Variants in PKIB observed in about 807,000 individuals in gnomAD.
The protein encoded by PKIB is cAMP-dependent protein kinase inhibitor beta, also known as PKI-beta.
PKIB carries 2 observed loss-of-function variants against 4.5 expected under a neutral mutation model. The ratio of observed to expected loss-of-function variants is 0.44; its 90% CI spans 0.18 to 1.39. PKIB has a LOEUF of 1.39. Ranked by LOEUF, PKIB falls within the 40% of genes most tolerant of loss-of-function variation. The pLI, the probability that PKIB is intolerant of heterozygous loss-of-function variation, is 0.27. For missense variants in PKIB, 94 were observed against 92.6 expected, an observed-to-expected ratio of 1.02 and a Z score of -0.06; for synonymous variants, 38 against 36.0, an observed-to-expected ratio of 1.06 and a Z score of -0.20.
At chr6:122,568,935 C>G (rs920015068) in intron 2 of PKIB, among the ~76,000 whole-genome samples, 20 of 152,060 alleles carry the variant, frequency 1.3e-4, no homozygotes, top group Admixed American at 7.2e-4. Flanking sequence ...GTTAGTGGAG[C>G]ACTGTGGGAG....
intron 4 of PKIB, among the ~76,000 whole-genome samples, chr6:122,723,909 C>T (rs1392631622): frequency 6.6e-6 from 1 of 152,086 alleles, no homozygotes; most frequent in Non-Finnish European, 1.5e-5. Context: ...TGTTTATTGT[C>T]CATATTTCTC....
chr6:122,626,739 T>C (rs919579375), intron 1 of PKIB, among the ~76,000 whole-genome samples: 1 of 152,222 alleles, frequency 6.6e-6, no homozygotes, highest in Non-Finnish European at 1.5e-5. Flanking sequence ...TATCACCACT[T>C]GTACAAGTTC....
At chr6:122,635,389 G>A (rs933626178) in intron 2 of PKIB, among the ~76,000 whole-genome samples, 1 of 151,906 alleles carries the variant, frequency 6.6e-6, no homozygotes, top group Non-Finnish European at 1.5e-5. Flanking sequence ...AAAACACTAC[G>A]TTTAAGTGAC....
chr6:122,571,922 T>A (rs1773377010), intron 2 of PKIB, among the ~76,000 whole-genome samples: 1 of 152,170 alleles, frequency 6.6e-6, no homozygotes. Flanking sequence ...CCTAAATGCT[T>A]CACTTGAAAA....
intron 2 of PKIB, among the ~76,000 whole-genome samples, chr6:122,494,298 G>A (rs551696465): frequency 2.6e-5 from 4 of 151,964 alleles, no homozygotes; most frequent in South Asian, 2.1e-4. Flanking sequence ...GACCTTAATT[G>A]AGCCATCTAA....
intron 2 of PKIB, among the ~76,000 whole-genome samples, chr6:122,528,711 G>A (rs1416156118): frequency 6.6e-6 from 1 of 152,070 alleles, no homozygotes; most frequent in Non-Finnish European, 1.5e-5. Context: ...GGGCAACATA[G>A]CAAGACCTCG....
chr6:122,506,382 AT>A (rs1350013350), intron 2 of PKIB, among the ~76,000 whole-genome samples: 2 of 152,126 alleles, frequency 1.3e-5, no homozygotes, highest in Non-Finnish European at 2.9e-5. Context: ...GATTATATAT[AT>A]TTTTAAACCC....
intron 2 of PKIB, among the ~76,000 whole-genome samples, chr6:122,573,568 A>G (rs1773437760): frequency 6.6e-6 from 1 of 151,816 alleles, no homozygotes; most frequent in Non-Finnish European, 1.5e-5. Context: ...GAAAAAAGAG[A>G]TAATACATCA....
At chr6:122,623,184 T>C (rs1319461577) in intron 1 of PKIB, among the ~76,000 whole-genome samples, 1 of 152,214 alleles carries the variant, frequency 6.6e-6, no homozygotes, top group Non-Finnish European at 1.5e-5. Flanking sequence ...TTGAATTTTC[T>C]TTCTGTGTAG....
chr6:122,710,608 T>TC (rs1355590897), intron 3 of PKIB, among the ~76,000 whole-genome samples: 1 of 152,168 alleles, frequency 6.6e-6, no homozygotes, highest in African/African-American at 2.4e-5. Flanking sequence ...AATGCTGTGT[T>TC]CCCTGTGAAG....
rs543438838 is a variant in PKIB, at chr6:122,630,969, A to G, written c.-160-2314A>G. On this transcript the variant is annotated intron_variant, in intron 1 of 4. Coordinates refer to ENST00000368452, the MANE Select transcript of PKIB (RefSeq NM_181795.3). Reference sequence around the variant, plus strand: ...CTCAGGGGTTGAAGGAGAGGAAAGCATGGATTAGCAGCATTTTTTGTCGTT... The same window carrying G: ...CTCAGGGGTTGAAGGAGAGGAAAGCGTGGATTAGCAGCATTTTTTGTCGTT... 3.3e-5 allele frequency among the ~76,000 whole-genome samples: 5 copies of G among 152,312 alleles called. No individual in the cohort carries two copies. In the East Asian group the frequency reaches 9.6e-4, roughly 29 times the overall value.
At chr6:122,578,327 TG>T in intron 2 of PKIB, among the ~76,000 whole-genome samples, 1 of 152,202 alleles carries the variant, frequency 6.6e-6, no homozygotes, top group East Asian at 1.9e-4. Context: ...GTGACATAGT[TG>T]TTTTTTATTG....
chr6:122,520,757 G>A (rs557135933), intron 2 of PKIB, among the ~76,000 whole-genome samples: 124 of 141,618 alleles, frequency 8.8e-4, no homozygotes, highest in Non-Finnish European at 1.5e-3. Context: ...GCTCAAACAC[G>A]TCTTTGTTAA....
rs142979473 is a variant in PKIB at position 122,590,273 on chromosome 6, G to A, written c.-161+4266G>A. Among the ~76,000 whole-genome samples, 367 of 152,292 alleles carry A rather than the reference G, an allele frequency of 2.4e-3. 2 individuals carry two copies. The highest frequency in any genetic ancestry group is 6.8e-3 in the Middle Eastern group (2 of 294). On this transcript the variant is annotated intron_variant, in intron 3 of 6. Transcript: ENST00000392491. The stretch of plus-strand genomic sequence containing the variant: ...AAAAAATCATTCACAGTGAAACTTT[G>A]TGAGGTTTATTTATGGGAAGCTATA...
intron 2 of PKIB, among the ~76,000 whole-genome samples, chr6:122,514,685 G>C (rs1191952127): frequency 6.6e-6 from 1 of 152,122 alleles, no homozygotes; most frequent in Non-Finnish European, 1.5e-5. Flanking sequence ...AGAGTAGTGG[G>C]TTTTTTTGTT....
intron 2 of PKIB, among the ~76,000 whole-genome samples, chr6:122,536,296 ATTG>A (rs1777405695): frequency 6.6e-6 from 1 of 152,188 alleles, no homozygotes; most frequent in Non-Finnish European, 1.5e-5. Flanking sequence ...CAGTGGAAAA[ATTG>A]TTATTAAGGT....
At chr6:122,510,501 A>T (rs980960679) in intron 2 of PKIB, among the ~76,000 whole-genome samples, 54 of 152,274 alleles carry the variant, frequency 3.5e-4, no homozygotes, top group African/African-American at 1.1e-3. Flanking sequence ...ATTGTAAAAA[A>T]GTAGTCTTTT....
At chr6:122,532,726 A>G (rs1777296195) in intron 2 of PKIB, among the ~76,000 whole-genome samples, 3 of 152,292 alleles carry the variant, frequency 2.0e-5, no homozygotes, top group South Asian at 2.1e-4. Flanking sequence ...ATAATATCCC[A>G]TTGTATTTAC....
chr6:122,722,276 A>C (rs1334054695), intron 4 of PKIB, among the ~76,000 whole-genome samples: 2 of 152,152 alleles, frequency 1.3e-5, no homozygotes, highest in Non-Finnish European at 2.9e-5. Flanking sequence ...TGTATTTCTA[A>C]ACACTTTCAC....
Sources: allele counts gnomAD v4.1 joint callset (sites outside exome capture counted in the v4.1 genomes callset), GRCh38; gene constraint gnomAD v4.1.1; transcripts MANE v1.5; gene names NCBI Gene and HGNC (gene_info 2026-07-23, HGNC 2026-07-21).